The following PFKP variants were observed in gnomAD, a reference collection of about 807,000 sequenced individuals.
PFKP encodes the protein ATP-dependent 6-phosphofructokinase, platelet type.
A neutral mutation model predicts 94.3 loss-of-function variants in PFKP; 101 were observed. The observed-to-expected ratio is 1.07, with a 90% confidence interval of 0.91 to 1.26. The LOEUF (loss-of-function observed/expected upper bound fraction) is 1.26, where lower values mean the gene tolerates loss of function less well. Among genes scored for constraint, PFKP ranks in the 50% most tolerant of loss-of-function variants. The pLI is 0.00. For missense variants in PFKP, 1,145 were observed against 1,103.3 expected (o/e 1.04, Z -0.53); for synonymous variants, 573 against 432.6 (o/e 1.32, Z -4.03).
chr10:3,097,866 A>G lies in PFKP; in HGVS notation c.187-1409A>G, dbSNP rs535871937. ...CTTTAAAACAAAAACAAAATTAGCC[A>G]GATGTGGTAGTGTGTTCCTGTAATC... On this transcript the variant is annotated intron_variant, in intron 2 of 21. Transcript: ENST00000381125. Among the ~76,000 whole-genome samples, 8 of 152,302 alleles carry G rather than the reference A, an allele frequency of 5.3e-5. 1 individual carries two copies. Among genetic ancestry groups the G allele is most frequent in the African/African-American group, 1.9e-4 (8 of 41,568 alleles).
Position 3,122,100 on chromosome 10 carries a change from G to C in PFKP, c.1683+2056G>C, listed in dbSNP as rs1837492370. On this transcript the variant is annotated intron_variant, in intron 16 of 21. Transcript: ENST00000381125. ...GGGCTCTCAAAGCACAGGGGTTACA[G>C]GGATGAGCCACCGCGCCGGGCCTGA... Among the ~76,000 whole-genome samples, 7 of 152,124 alleles carry C rather than the reference G, an allele frequency of 4.6e-5. No homozygotes were observed. In the South Asian group the frequency reaches 1.5e-3, roughly 32 times the overall value.
At chr10:3,074,100 A>T (rs186379108) in intron 1 of PFKP, among the ~76,000 whole-genome samples, 11 of 152,232 alleles carry the variant, frequency 7.2e-5, no homozygotes, top group African/African-American at 2.7e-4. Flanking sequence ...TTGGCCTCCC[A>T]AAGTGCTGGT....
Position 3,136,608 on chromosome 10 carries a change from C to T in PFKP, c.*29C>T, listed in dbSNP as rs761349384. On this transcript the variant is annotated 3_prime_UTR_variant, in exon 22 of 22. Transcript: ENST00000381125. Reference sequence around the variant, plus strand: ...AGTCCCGCCTGCATGTGCCTGCAGCCACCGTGGACTGTCTGTTTTTGTAAC... The same window carrying T: ...AGTCCCGCCTGCATGTGCCTGCAGCTACCGTGGACTGTCTGTTTTTGTAAC... 6.2e-7 allele frequency: 1 copy of T among 1,608,530 alleles called. No homozygotes were observed. The highest frequency in any genetic ancestry group is 8.5e-7 in the Non-Finnish European group (1 of 1,176,096).
At position 3,120,369 on chromosome 10, in the gene PFKP, C is replaced by CTGTGTG. The variant is rs3841457; in HGVS notation, c.1683+350_1683+355dup. On this transcript the variant is annotated intron_variant, in intron 16 of 21. Transcript: ENST00000381125. ...GTGATTGTACCAGCATTAAAAATCG[C>CTGTGTG]TGTGTGTGTGTGTGTGTGTGTGTGT... Among the ~76,000 whole-genome samples, 420 of 108,568 alleles carry CTGTGTG rather than the reference C, an allele frequency of 3.9e-3. 2 individuals are homozygous for CTGTGTG. Among genetic ancestry groups the CTGTGTG allele is most frequent in the African/African-American group, 0.011 (374 of 32,750 alleles). 71.2% of individuals were successfully genotyped at this position (108,568 alleles called of 152,430 possible). A position where few individuals can be genotyped will look rare whatever the true frequency, so the allele number is the denominator to read the frequency against.
chr10:3,108,106 C>T, intron 8 of PFKP: 2 of 983,982 alleles, frequency 2.0e-6, no homozygotes, highest in South Asian at 1.4e-5. Flanking sequence ...AAAGTCCAGG[C>T]AAAGATTTTA....
intron 1 of PFKP, among the ~76,000 whole-genome samples, chr10:3,071,134 G>T (rs958412209): frequency 6.6e-6 from 1 of 152,048 alleles, no homozygotes; most frequent in Non-Finnish European, 1.5e-5. Context: ...AGCAAAACCC[G>T]ATTTGCCCAA....
Position 3,113,387 on chromosome 10 carries a change from G to T in PFKP, c.1240G>T (p.Ala414Ser), listed in dbSNP as rs779602952. 15 of 1,591,772 alleles carry T rather than the reference G, an allele frequency of 9.4e-6. No individual in the cohort carries two copies. The South Asian group carries it at 1.6e-4, about 17-fold the overall frequency. The stretch of plus-strand genomic sequence containing the variant: ...TGTTTTGCAGACCAATTGCAACGTA[G>T]CTGTCATCAACGTGGGGGCACCCGC... Reference protein sequence around the residue: ...DQIPKTNCNVAVINVGAPAAG... With the variant: ...DQIPKTNCNVSVINVGAPAAG... Residue 414 changes from alanine to serine, a missense_variant, in exon 13 of 22, where the codon GCT becomes TCT. By Grantham distance (99) the Ala-to-Ser change is moderately conservative. Around this residue, in one of 3 missense-constraint regions of PFKP, gnomAD observed 1,119 missense variants for 1,062.8 expected, o/e 1.05. Coordinates refer to ENST00000381125, the MANE Select transcript of PFKP (RefSeq NM_002627.5).
intron 13 of PFKP, among the ~76,000 whole-genome samples, chr10:3,114,828 G>A (rs532857754): frequency 6.6e-6 from 1 of 152,232 alleles, no homozygotes; most frequent in African/African-American, 2.4e-5. Flanking sequence ...GCCTGAGGAG[G>A]TTGGCTTTTA....
intron 7 of PFKP, among the ~76,000 whole-genome samples, chr10:3,106,000 G>A (rs1835509033): frequency 6.6e-6 from 1 of 152,226 alleles, no homozygotes; most frequent in African/African-American, 2.4e-5. Flanking sequence ...AGCAGTGTGA[G>A]GCCTTTCGGG....
chr10:3,100,548 G>T (rs1288160557), intron 3 of PFKP, among the ~76,000 whole-genome samples: 1 of 152,118 alleles, frequency 6.6e-6, no homozygotes, highest in Non-Finnish European at 1.5e-5. Context: ...TCACTGCAGG[G>T]GTCTCCTGGG....
chr10:3,092,098 A>G (rs907099044), intron 2 of PFKP, among the ~76,000 whole-genome samples: 3 of 152,036 alleles, frequency 2.0e-5, no homozygotes, highest in East Asian at 1.9e-4. Flanking sequence ...GACCCCCGCC[A>G]CCGGCCCCCA....
chr10:3,103,053 A>G (rs563449579), intron 4 of PFKP, among the ~76,000 whole-genome samples: 1 of 152,282 alleles, frequency 6.6e-6, no homozygotes, highest in East Asian at 1.9e-4. Context: ...ATGCTCACCC[A>G]CGATCCAGCT....
Position 3,133,250 on chromosome 10 carries a change from TG to T in PFKP, c.1959del (p.Tyr654IlefsTer69). 1 of 1,614,090 alleles carries T rather than the reference TG, an allele frequency of 6.2e-7. No homozygotes were observed. The highest frequency in any genetic ancestry group is 1.1e-5 in the South Asian group (1 of 91,090). ...TACACCACCGACTTCATTTACCAGC[TG>T]TATTCAGAAGAGGGCAAAGGCGTGT... ...ENYTTDFIYQLYSEEGKGVFD... is the reference protein window; with the variant it reads ...ENYTTDFIYQXYSEEGKGVFD... On this transcript the variant is annotated frameshift_variant, in exon 19 of 22. Transcript: ENST00000381125. LOFTEE classifies it high-confidence loss of function.
intron 1 of PFKP, among the ~76,000 whole-genome samples, chr10:3,076,317 G>A (rs1437719169): frequency 4.6e-5 from 7 of 152,120 alleles, no homozygotes. Flanking sequence ...TGAGGGATGT[G>A]CAGGGGAGGG....
At chr10:3,125,914 G>A (rs7918368) in intron 16 of PFKP, among the ~76,000 whole-genome samples, 55,975 of 152,136 alleles carry the variant, frequency 0.37, 11,025 homozygotes, top group Non-Finnish European at 0.46. Flanking sequence ...GCTGCAGACA[G>A]GACGGTGGCC....
At chr10:3,131,882 T>C (rs1173229209) in intron 17 of PFKP, among the ~76,000 whole-genome samples, 3 of 152,194 alleles carry the variant, frequency 2.0e-5, no homozygotes, top group Non-Finnish European at 4.4e-5. Flanking sequence ...TAACATGATC[T>C]GAAATGGGGA....
rs1211385728 is a variant in PFKP at position 3,069,332 on chromosome 10, G to A, written c.112+1625G>A. 12 of 1,578,806 alleles carry A rather than the reference G, an allele frequency of 7.6e-6. No homozygotes were observed. The Admixed American group carries it at 1.8e-4, about 24-fold the overall frequency. ...GCAGAGGATGGGATTGAAGAAACAG[G>A]AGAGTGAAGTGGAAATAGCCTGGCC... On this transcript the variant is annotated intron_variant, in intron 1 of 21. Transcript: ENST00000381125.
intron 18 of PFKP, 85 bp downstream of exon 18, chr10:3,132,526 A>ATTT: frequency 1.0e-6 from 1 of 964,962 alleles, no homozygotes; most frequent in Non-Finnish European, 1.7e-6. Context: ...GGGCTGGATG[A>ATTT]GTGGTCATTT....
intron 10 of PFKP, among the ~76,000 whole-genome samples, chr10:3,111,829 G>A (rs1365608393): frequency 6.6e-6 from 1 of 152,082 alleles, no homozygotes; most frequent in African/African-American, 2.4e-5. Flanking sequence ...GGTGTGTTCT[G>A]TTTTGTTTTT....
Sources: allele counts gnomAD v4.1 joint callset (sites outside exome capture counted in the v4.1 genomes callset), GRCh38; gene constraint gnomAD v4.1.1; regional missense constraint gnomAD v4.1.1; transcripts MANE v1.5; gene names NCBI Gene and HGNC (gene_info 2026-07-23, HGNC 2026-07-21).